The following FNDC3A variants were observed in gnomAD, a reference collection of about 807,000 sequenced individuals.
FNDC3A encodes fibronectin type III domain containing 3A, also known as fibronectin type-III domain-containing protein 3A.
FNDC3A carries 32 observed loss-of-function variants against 148.9 expected under a neutral mutation model. That is an observed-to-expected ratio of 0.21 (90% CI 0.16 to 0.29). The LOEUF is 0.29. Ranked by LOEUF, FNDC3A falls within the 10% of genes least tolerant of loss-of-function variation. FNDC3A has a pLI of 1.00. For missense variants in FNDC3A, 1,191 were observed against 1,452.8 expected (o/e 0.82, Z 2.93); for synonymous variants, 472 against 473.6 (o/e 1.00, Z 0.04).
At chr13:49,128,106 G>A (rs1331484255) in intron 4 of FNDC3A, among the ~76,000 whole-genome samples, 3 of 151,900 alleles carry the variant, frequency 2.0e-5, no homozygotes, top group Non-Finnish European at 4.4e-5. Flanking sequence ...GGTCTCGAAC[G>A]CCTGACCTCA....
At chr13:49,066,678 T>G (rs1877285266) in intron 2 of FNDC3A, among the ~76,000 whole-genome samples, 2 of 152,150 alleles carry the variant, frequency 1.3e-5, no homozygotes, top group East Asian at 1.9e-4. Context: ...TATATTCTTT[T>G]TTTTTTTAAC....
At chr13:49,126,893 G>C (rs1476284374) in intron 4 of FNDC3A, among the ~76,000 whole-genome samples, 1 of 152,212 alleles carries the variant, frequency 6.6e-6, no homozygotes, top group Non-Finnish European at 1.5e-5. Context: ...TCCAGCAAGT[G>C]ATACAGAATA....
intron 2 of FNDC3A, among the ~76,000 whole-genome samples, chr13:49,058,427 G>A (rs1876416739): frequency 6.6e-6 from 1 of 152,104 alleles, no homozygotes; most frequent in African/African-American, 2.4e-5. Context: ...CTGCCTTTTA[G>A]TTTTTACTTC....
At chr13:49,174,993 A>G (rs1884954029) in intron 12 of FNDC3A, among the ~76,000 whole-genome samples, 1 of 149,248 alleles carries the variant, frequency 6.7e-6, no homozygotes, top group South Asian at 2.2e-4. Flanking sequence ...GTTTAATTAC[A>G]CAACTGAGAA....
rs186906470 is a variant in FNDC3A, at chr13:49,207,684, G to A, written c.*289G>A. 176 of 283,606 alleles carry A rather than the reference G, an allele frequency of 6.2e-4. No homozygotes were observed. Among genetic ancestry groups the A allele is most frequent in the Non-Finnish European group, 1.0e-3 (151 of 150,620 alleles). 17.6% of individuals were successfully genotyped at this position (283,606 alleles called of 1,614,324 possible). On this transcript the variant is annotated 3_prime_UTR_variant, in exon 26 of 26. Transcript: ENST00000492622. ...TTCTTATAGAAAAACTTTCTAAGAG[G>A]CAACAATTTAGAATGGATATTTTGA...
chr13:49,092,154 A>T (rs892856896), intron 3 of FNDC3A, among the ~76,000 whole-genome samples: 3 of 152,234 alleles, frequency 2.0e-5, no homozygotes, highest in South Asian at 2.1e-4. Context: ...CTGCTGGGTC[A>T]TATGCCCCAA....
At chr13:49,012,843 CATTTT>C (rs1475957095) in intron 2 of FNDC3A, among the ~76,000 whole-genome samples, 2 of 27,674 alleles carry the variant, frequency 7.2e-5, no homozygotes, top group African/African-American at 2.7e-4. Context: ...GTGTGTGTAT[CATTTT>C]CTGTTCCTGG....
chr13:49,076,807 A>G (rs1225086766), intron 3 of FNDC3A, among the ~76,000 whole-genome samples: 1 of 152,014 alleles, frequency 6.6e-6, no homozygotes, highest in African/African-American at 2.4e-5. Context: ...TATTTCTTCT[A>G]GTTGTATTTT....
intron 3 of FNDC3A, among the ~76,000 whole-genome samples, chr13:49,079,890 T>C (rs956886517): frequency 7.2e-5 from 11 of 152,124 alleles, no homozygotes; most frequent in Admixed American, 6.5e-5. Flanking sequence ...TCATAGCTCA[T>C]TGCAGCCTCA....
intron 2 of FNDC3A, among the ~76,000 whole-genome samples, chr13:49,047,469 A>AT (rs1275022230): frequency 6.6e-6 from 1 of 151,490 alleles, no homozygotes; most frequent in African/African-American, 2.4e-5. Flanking sequence ...TTATTTTTTG[A>AT]TTTTTTTGTT....
chr13:49,019,212 C>A (rs1429824441), intron 2 of FNDC3A, among the ~76,000 whole-genome samples: 1 of 152,246 alleles, frequency 6.6e-6, no homozygotes, highest in Non-Finnish European at 1.5e-5. Context: ...TCGCTGCTGC[C>A]TTGCAGTTTG....
chr13:49,057,050 C>A (rs1029261367), intron 2 of FNDC3A, among the ~76,000 whole-genome samples: 1 of 152,166 alleles, frequency 6.6e-6, no homozygotes, highest in Admixed American at 6.5e-5. Context: ...GATATGTCTT[C>A]AAAGACATTT....
At chr13:48,991,641 TCA>T (rs1951919562) in intron 1 of FNDC3A, among the ~76,000 whole-genome samples, 1 of 150,758 alleles carries the variant, frequency 6.6e-6, no homozygotes, top group Non-Finnish European at 1.5e-5. Flanking sequence ...TGAGCTATGC[TCA>T]CACCACTGCA....
chr13:49,207,405 T>A lies in FNDC3A; in HGVS notation c.*10T>A. The A allele has an allele frequency of 6.8e-7, 1 of 1,474,362 alleles. No individual in the cohort carries two copies. The highest frequency in any genetic ancestry group is 9.3e-7 in the Non-Finnish European group (1 of 1,071,518). The allele number at this position is 1,474,362 out of a possible 1,614,324, so 91.3% of individuals were successfully genotyped here. ...CTTTGTAATCAAGTGAAAATATAACTTTATTTTTTAACTCTATTACATTTT... is the reference window on the plus strand; with the variant it reads ...CTTTGTAATCAAGTGAAAATATAACATTATTTTTTAACTCTATTACATTTT... On this transcript the variant is annotated 3_prime_UTR_variant, in exon 26 of 26. Transcript: ENST00000492622.
intron 2 of FNDC3A, among the ~76,000 whole-genome samples, chr13:49,063,639 A>G (rs1378126281): frequency 6.6e-6 from 1 of 152,172 alleles, no homozygotes; most frequent in Non-Finnish European, 1.5e-5. Flanking sequence ...TTCCAGGAAA[A>G]TGAAGATAAT....
At chr13:49,072,891 G>T (rs774406153) in intron 2 of FNDC3A, among the ~76,000 whole-genome samples, 5 of 152,188 alleles carry the variant, frequency 3.3e-5, no homozygotes, top group Non-Finnish European at 5.9e-5. Flanking sequence ...CTAAGTATAA[G>T]ATCATGTTGT....
Position 49,088,430 on chromosome 13 carries a change from A to G in FNDC3A, c.175+13066A>G, listed in dbSNP as rs187516213. ...TTCTCATACTATGGGAAAATAATCC[A>G]TAACAGTAGTAACTATTGTGATCAT... On this transcript the variant is annotated intron_variant, in intron 3 of 25. Transcript: ENST00000492622. 1.3e-3 allele frequency among the ~76,000 whole-genome samples: 204 copies of G among 152,332 alleles called. 1 individual carries two copies. Among genetic ancestry groups the G allele is most frequent in the African/African-American group, 4.7e-3 (196 of 41,586 alleles).
chr13:49,189,894 T>C (rs1236368729), intron 17 of FNDC3A, among the ~76,000 whole-genome samples: 1 of 152,218 alleles, frequency 6.6e-6, no homozygotes, highest in Non-Finnish European at 1.5e-5. Context: ...GTTTGTGGCA[T>C]TGTTTTTTTT....
At chr13:49,177,791 A>G (rs954052987) in intron 13 of FNDC3A, among the ~76,000 whole-genome samples, 1 of 152,210 alleles carries the variant, frequency 6.6e-6, no homozygotes, top group African/African-American at 2.4e-5. Flanking sequence ...TAAAGAACCC[A>G]GTTACAAAAG....
Sources: allele counts gnomAD v4.1 joint callset (sites outside exome capture counted in the v4.1 genomes callset), GRCh38; gene constraint gnomAD v4.1.1; transcripts MANE v1.5; gene names NCBI Gene and HGNC (gene_info 2026-07-23, HGNC 2026-07-21).